Variants in C10orf143 observed in about 807,000 individuals in gnomAD.
The protein encoded by C10orf143 is uncharacterized protein C10orf143.
At chr10:130,080,419 T>C (rs1311315153) in intron 1 of C10orf143, among the ~76,000 whole-genome samples, 1 of 152,264 alleles carries the variant, frequency 6.6e-6, no homozygotes, top group Non-Finnish European at 1.5e-5. Context: ...TGGTTTTTAC[T>C]ACTATGTGAA....
intron 3 of C10orf143, among the ~76,000 whole-genome samples, chr10:130,042,506 AGC>A (rs749532832): frequency 1.3e-5 from 2 of 152,206 alleles, no homozygotes; most frequent in Non-Finnish European, 2.9e-5. Flanking sequence ...TGCTGGTTGG[AGC>A]GCGGAAGCCC....
chr10:130,069,163 T>C (rs1313804570), intron 3 of C10orf143, among the ~76,000 whole-genome samples: 1 of 152,148 alleles, frequency 6.6e-6, no homozygotes, highest in Non-Finnish European at 1.5e-5. Flanking sequence ...CGACATACTA[T>C]GTGCAAGTGA....
At chr10:130,104,235 C>T (rs1861604019) in intron 1 of C10orf143, 1 of 152,198 alleles carries the variant, frequency 6.6e-6, no homozygotes, top group Non-Finnish European at 1.5e-5. Flanking sequence ...ACATGTCTGC[C>T]CAATGGAAAC....
chr10:130,038,674 C>A (rs1377580496), intron 3 of C10orf143, among the ~76,000 whole-genome samples: 2 of 152,184 alleles, frequency 1.3e-5, no homozygotes, highest in East Asian at 3.9e-4. Flanking sequence ...CCCCACCCCC[C>A]AGGCTGAGCC....
At chr10:130,039,253 C>T (rs919126308) in intron 3 of C10orf143, among the ~76,000 whole-genome samples, 5 of 152,094 alleles carry the variant, frequency 3.3e-5, no homozygotes, top group East Asian at 3.9e-4. Flanking sequence ...CTTATGGGGT[C>T]GGCTCATGTG....
intron 1 of C10orf143, among the ~76,000 whole-genome samples, chr10:130,110,447 C>T (rs1193829104): frequency 6.6e-6 from 1 of 152,262 alleles, no homozygotes; most frequent in Non-Finnish European, 1.5e-5. Context: ...CCCCAGTGAG[C>T]GTGTGGGTCA....
At chr10:130,076,878 G>A (rs1226745608) in intron 3 of C10orf143, among the ~76,000 whole-genome samples, 3 of 152,114 alleles carry the variant, frequency 2.0e-5, no homozygotes, top group South Asian at 2.1e-4. Flanking sequence ...TAGCCATGGC[G>A]ATCATCCTCT....
At chr10:130,100,502 G>A (rs944530800) in intron 1 of C10orf143, among the ~76,000 whole-genome samples, 1 of 152,180 alleles carries the variant, frequency 6.6e-6, no homozygotes, top group African/African-American at 2.4e-5. Context: ...CTGGGCAAGA[G>A]AGGGAGACTC....
chr10:130,109,214 C>T (rs979931910), intron 1 of C10orf143, among the ~76,000 whole-genome samples: 1 of 152,212 alleles, frequency 6.6e-6, no homozygotes, highest in Non-Finnish European at 1.5e-5. Context: ...CTGATCACAC[C>T]TTTCATTTTC....
At chr10:130,039,041 T>C (rs1186692022) in intron 3 of C10orf143, among the ~76,000 whole-genome samples, 1 of 152,124 alleles carries the variant, frequency 6.6e-6, no homozygotes, top group African/African-American at 2.4e-5. Flanking sequence ...CAAGAAAGGC[T>C]CAGCCTCAGA....
chr10:130,071,800 T>C (rs997194283), intron 3 of C10orf143, among the ~76,000 whole-genome samples: 2 of 152,154 alleles, frequency 1.3e-5, no homozygotes, highest in Admixed American at 6.6e-5. Context: ...AATTTTTTAT[T>C]TGCAGTAGAG....
intron 3 of C10orf143, among the ~76,000 whole-genome samples, chr10:130,051,150 C>T (rs988844111): frequency 6.6e-6 from 1 of 152,114 alleles, no homozygotes; most frequent in Non-Finnish European, 1.5e-5. Flanking sequence ...AACACTTGGT[C>T]ATACTTGCTT....
chr10:130,074,942 C>T (rs1393309361), intron 3 of C10orf143, among the ~76,000 whole-genome samples: 2 of 152,054 alleles, frequency 1.3e-5, no homozygotes. Context: ...CAGACATGCA[C>T]ACACACTACA....
intron 3 of C10orf143, among the ~76,000 whole-genome samples, chr10:130,078,883 G>C (rs2134766840): frequency 6.6e-6 from 1 of 152,062 alleles, no homozygotes; most frequent in East Asian, 1.9e-4. Flanking sequence ...CTGGTTTCTA[G>C]GTGGAATTTA....
At chr10:130,101,684 G>A (rs1861553212) in intron 1 of C10orf143, among the ~76,000 whole-genome samples, 1 of 151,364 alleles carries the variant, frequency 6.6e-6, no homozygotes, top group South Asian at 2.1e-4. Context: ...GGCCAACATG[G>A]TGAAATCCCA....
chr10:130,107,098 T>C, intron 1 of C10orf143: 1 of 1,593,080 alleles, frequency 6.3e-7, no homozygotes, highest in Non-Finnish European at 8.6e-7. Flanking sequence ...TTACAGAGCA[T>C]ATTAAAAATC....
intron 1 of C10orf143, among the ~76,000 whole-genome samples, chr10:130,100,794 C>G (rs1861536352): frequency 6.6e-6 from 1 of 152,010 alleles, no homozygotes; most frequent in African/African-American, 2.4e-5. Context: ...AAATCAAACA[C>G]AGAAAAGAGA....
Position 130,038,267 on chromosome 10 carries a change from C to T in C10orf143, c.298-2297G>A, listed in dbSNP as rs372303025. Among the ~76,000 whole-genome samples, 8 of 152,228 alleles carry T rather than the reference C, an allele frequency of 5.3e-5. No individual in the cohort carries two copies. In the East Asian group the frequency reaches 7.7e-4, roughly 15 times the overall value. On this transcript the variant is annotated intron_variant and NMD_transcript_variant, in intron 3 of 5. Transcript: ENST00000643056. ...CAGCCGCTGACTGAAGTTTCGGGTT[C>T]GGGACTGCTCATTTGTGCATGAGAA...
At chr10:130,089,616 A>G (rs2134785353) in intron 1 of C10orf143, among the ~76,000 whole-genome samples, 1 of 152,362 alleles carries the variant, frequency 6.6e-6, no homozygotes, top group Non-Finnish European at 1.5e-5. Flanking sequence ...TAGAAACTAA[A>G]CAATGTATAA....
Sources: gnomAD v4.1 joint callset for allele counts (sites outside exome capture counted in the v4.1 genomes callset) on GRCh38, gnomAD v4.1.1 for gene constraint, MANE v1.5 for transcripts, NCBI Gene and HGNC (gene_info 2026-07-23, HGNC 2026-07-21) for gene names.